Variants in MBD2 observed in about 807,000 individuals in gnomAD.
MBD2 encodes the protein methyl-CpG binding domain protein 2.
Under a neutral mutation model 39.3 loss-of-function variants are expected in MBD2, and 9 were observed. The observed-to-expected ratio is 0.23, with a 90% CI of 0.14 to 0.40. The LOEUF is 0.40. MBD2 is among the 10% of genes least tolerant of loss of function. The pLI is 1.00. For synonymous variants in MBD2, 233 were observed against 211.1 expected (o/e 1.10, Z -0.90); for missense variants, 458 against 532.6 (o/e 0.86, Z 1.38).
chr18:54,189,318 G>T (rs975597606), intron 2 of MBD2, among the ~76,000 whole-genome samples: 1 of 151,248 alleles, frequency 6.6e-6, no homozygotes, highest in African/African-American at 2.4e-5. Flanking sequence ...CCGCCTCCCG[G>T]GTCTGCTTAC....
intron 1 of MBD2, among the ~76,000 whole-genome samples, chr18:54,209,073 T>C (rs1197741253): frequency 3.9e-5 from 6 of 152,026 alleles, no homozygotes; most frequent in Non-Finnish European, 7.4e-5. Context: ...GGAGGGCGGA[T>C]TGCCCGAGCT....
chr18:54,215,146 C>G (rs1334107885), intron 1 of MBD2, among the ~76,000 whole-genome samples: 1 of 152,204 alleles, frequency 6.6e-6, no homozygotes, highest in African/African-American at 2.4e-5. Context: ...AAGCCCCGAT[C>G]TTCTGACTCA....
intron 2 of MBD2, among the ~76,000 whole-genome samples, chr18:54,189,676 G>T (rs969723099): frequency 2.6e-5 from 4 of 152,100 alleles, no homozygotes; most frequent in Non-Finnish European, 4.4e-5. Flanking sequence ...TAGGGGCAGG[G>T]TCTCACTCTG....
intron 4 of MBD2, 37 bp downstream of exon 4, chr18:54,166,039 C>G: frequency 7.1e-7 from 1 of 1,407,192 alleles, no homozygotes; most frequent in East Asian, 2.3e-5. Context: ...GCAGTAGGTA[C>G]TTGATAAATG....
chr18:54,179,336 G>A (rs1335600843), intron 3 of MBD2, among the ~76,000 whole-genome samples: 1 of 152,132 alleles, frequency 6.6e-6, no homozygotes, highest in East Asian at 1.9e-4. Context: ...GAGACTATAA[G>A]AAGGATCACC....
At chr18:54,194,790 A>C (rs1215559801) in intron 2 of MBD2, among the ~76,000 whole-genome samples, 1 of 152,046 alleles carries the variant, frequency 6.6e-6, no homozygotes, top group Non-Finnish European at 1.5e-5. Context: ...ATATGATAGA[A>C]TGTAACAGTG....
At chr18:54,174,080 G>C (rs2086195192) in intron 3 of MBD2, among the ~76,000 whole-genome samples, 1 of 152,208 alleles carries the variant, frequency 6.6e-6, no homozygotes, top group South Asian at 2.1e-4. Context: ...AGTAGCAACT[G>C]TCTGGAGCAG....
At chr18:54,176,170 G>C (rs2086211773) in intron 3 of MBD2, among the ~76,000 whole-genome samples, 1 of 152,204 alleles carries the variant, frequency 6.6e-6, no homozygotes, top group Non-Finnish European at 1.5e-5. Context: ...TGAATATTTG[G>C]CTAAGTAGAG....
At position 54,224,412 on chromosome 18, in the gene MBD2, G is replaced by A. The variant is rs914725628; in HGVS notation, c.148C>T (p.Arg50Cys). 1.6e-6 allele frequency: 2 copies of A among 1,246,664 alleles called. No individual in the cohort carries two copies. The highest frequency in any genetic ancestry group is 4.0e-5 in the Admixed American group (1 of 25,316). The allele number at this position is 1,246,664 out of a possible 1,614,324, so 77.2% of individuals were successfully genotyped here. The change falls in exon 1 of 7, where the codon CGC becomes TGC. Residue 50 changes from arginine to cysteine, a missense_variant. Coordinates refer to ENST00000256429, the MANE Select transcript of MBD2 (RefSeq NM_003927.5). ...CCGCCGCCCCGAGCGCCTTCCCTGCGCACGCCGCTCACCGGGGACGGGGCG... is the reference window on the plus strand; with the variant it reads ...CCGCCGCCCCGAGCGCCTTCCCTGCACACGCCGCTCACCGGGGACGGGGCG... ...ALAPSPVSGVRREGARGGGRG... is the reference protein window; with the variant it reads ...ALAPSPVSGVCREGARGGGRG...
intron 3 of MBD2, among the ~76,000 whole-genome samples, chr18:54,170,150 C>T (rs935004726): frequency 6.6e-6 from 1 of 152,214 alleles, no homozygotes; most frequent in African/African-American, 2.4e-5. Flanking sequence ...ATTTTCTCCA[C>T]ACAGTTCTCC....
intron 2 of MBD2, among the ~76,000 whole-genome samples, chr18:54,195,504 C>T (rs965580926): frequency 1.3e-5 from 2 of 152,052 alleles, no homozygotes; most frequent in Non-Finnish European, 2.9e-5. Flanking sequence ...ATTTGAGAAG[C>T]AGAGACTATA....
At chr18:54,177,432 G>A (rs2033182203) in intron 3 of MBD2, among the ~76,000 whole-genome samples, 2 of 151,990 alleles carry the variant, frequency 1.3e-5, no homozygotes, top group African/African-American at 4.8e-5. Context: ...ATAAGAAGAT[G>A]TGCGCTTAAG....
chr18:54,160,892 T>C (rs536718267), intron 5 of MBD2, among the ~76,000 whole-genome samples: 131 of 151,152 alleles, frequency 8.7e-4, no homozygotes, highest in Non-Finnish European at 1.2e-3. Flanking sequence ...GGGGCAAAGC[T>C]CTTGAGACCA....
intron 1 of MBD2, among the ~76,000 whole-genome samples, chr18:54,205,714 T>C (rs2144332299): frequency 6.6e-6 from 1 of 152,212 alleles, no homozygotes; most frequent in Middle Eastern, 3.4e-3. Context: ...ACATAACATG[T>C]TGCCACAGCC....
At chr18:54,169,100 A>G (rs1395912835) in intron 3 of MBD2, among the ~76,000 whole-genome samples, 1 of 152,160 alleles carries the variant, frequency 6.6e-6, no homozygotes, top group East Asian at 1.9e-4. Context: ...CCAGATTGGG[A>G]TGGAGGGGAG....
intron 2 of MBD2, among the ~76,000 whole-genome samples, chr18:54,190,458 G>T (rs1260799275): frequency 6.6e-6 from 1 of 152,154 alleles, no homozygotes; most frequent in African/African-American, 2.4e-5. Context: ...GTCCAGGGTG[G>T]GGTCCCGCCT....
chr18:54,161,826 A>T (rs1294390372), intron 5 of MBD2, among the ~76,000 whole-genome samples: 1 of 152,178 alleles, frequency 6.6e-6, no homozygotes, highest in African/African-American at 2.4e-5. Context: ...TGTGAATATG[A>T]TGGGATATCT....
chr18:54,213,389 A>C (rs1025588429), intron 1 of MBD2, among the ~76,000 whole-genome samples: 1 of 152,144 alleles, frequency 6.6e-6, no homozygotes, highest in Non-Finnish European at 1.5e-5. Context: ...TCAGAGGTGG[A>C]TCAGTTTCAT....
At chr18:54,164,261 T>C (rs1386356438) in intron 5 of MBD2, among the ~76,000 whole-genome samples, 2 of 152,222 alleles carry the variant, frequency 1.3e-5, no homozygotes, top group Non-Finnish European at 2.9e-5. Flanking sequence ...TTAGGGAATA[T>C]AACTGATCTG....
Sources: allele counts gnomAD v4.1 joint callset (sites outside exome capture counted in the v4.1 genomes callset), GRCh38; gene constraint gnomAD v4.1.1; transcripts MANE v1.5; gene names NCBI Gene and HGNC (gene_info 2026-07-23, HGNC 2026-07-21).